ARL15: variants seen among roughly 807,000 people sequenced by gnomAD.
The protein encoded by ARL15 is ARF like GTPase 15.
Under a neutral mutation model 25.2 loss-of-function variants are expected in ARL15, and 19 were observed. That is an observed-to-expected ratio of 0.75 (90% CI 0.53 to 1.10). The LOEUF is 1.10. ARL15 is among the 50% of genes least tolerant of loss of function. The probability of loss-of-function intolerance (pLI) is 0.00; values close to 1 mark genes in which losing one functional copy is unlikely to be tolerated. For missense variants in ARL15, 220 were observed against 246.0 expected, an observed-to-expected ratio of 0.89 and a Z score of 0.71; for synonymous variants, 94 against 86.8, an observed-to-expected ratio of 1.08 and a Z score of -0.46.
chr5:54,084,351 T>C (rs1751890322), intron 4 of ARL15, among the ~76,000 whole-genome samples: 1 of 149,324 alleles, frequency 6.7e-6, no homozygotes, highest in Admixed American at 6.7e-5. Context: ...CATCTAGTCT[T>C]AGAGATCTGG....
chr5:54,106,179 A>G lies in ARL15; in HGVS notation c.462+7023T>C, dbSNP rs558931800. Among the ~76,000 whole-genome samples the G allele has an allele frequency of 4.6e-5, 7 of 152,302 alleles. No homozygotes were observed. The East Asian group carries it at 9.6e-4, about 21-fold the overall frequency. On this transcript the variant is annotated intron_variant, in intron 4 of 4. Transcript: ENST00000504924. ...GTAAATACGATAATTAACAAGTTGAATCTTTTTAAAACTATGTATTAACAT... is the reference window on the plus strand; with the variant it reads ...GTAAATACGATAATTAACAAGTTGAGTCTTTTTAAAACTATGTATTAACAT...
At chr5:54,074,751 G>C (rs919004323) in intron 4 of ARL15, among the ~76,000 whole-genome samples, 5 of 151,874 alleles carry the variant, frequency 3.3e-5, no homozygotes, top group Non-Finnish European at 7.4e-5. Flanking sequence ...TCTTAATTTT[G>C]ATATTTTCTA....
intron 2 of ARL15, among the ~76,000 whole-genome samples, chr5:54,158,392 G>A (rs1205172062): frequency 2.6e-5 from 4 of 152,076 alleles, no homozygotes; most frequent in African/African-American, 4.8e-5. Flanking sequence ...ACTACATATC[G>A]GTTGATTTGT....
intron 4 of ARL15, among the ~76,000 whole-genome samples, chr5:53,972,247 T>A (rs1483113456): frequency 1.3e-5 from 2 of 152,168 alleles, no homozygotes; most frequent in African/African-American, 4.8e-5. Flanking sequence ...ACTTTTAAAT[T>A]TCCCAGATGA....
intron 4 of ARL15, among the ~76,000 whole-genome samples, chr5:53,941,287 G>T (rs2112085443): frequency 6.6e-6 from 1 of 152,142 alleles, no homozygotes; most frequent in South Asian, 2.1e-4. Flanking sequence ...TTTAAAAAAA[G>T]GATTATGTAT....
chr5:53,980,247 G>A (rs1748076812), intron 4 of ARL15, among the ~76,000 whole-genome samples: 1 of 152,144 alleles, frequency 6.6e-6, no homozygotes, highest in African/African-American at 2.4e-5. Flanking sequence ...AAAGCAATCT[G>A]CAGTCATTCT....
At chr5:53,978,637 G>GAAAAAAAAAAAA (rs58627905) in intron 4 of ARL15, among the ~76,000 whole-genome samples, 1 of 125,880 alleles carries the variant, frequency 7.9e-6, no homozygotes, top group Non-Finnish European at 1.7e-5. Context: ...AAAAAAAAAA[G>GAAAAAAAAAAAA]AAAAGAAAAG....
intron 4 of ARL15, among the ~76,000 whole-genome samples, chr5:54,010,987 A>G (rs181822448): frequency 0.052 from 7,420 of 143,052 alleles, 238 homozygotes; most frequent in Middle Eastern, 0.089. Flanking sequence ...GCGACAGAGC[A>G]AGGCTCCGTC....
chr5:54,057,339 C>A (rs561239233), intron 4 of ARL15, among the ~76,000 whole-genome samples: 1 of 152,256 alleles, frequency 6.6e-6, no homozygotes, highest in African/African-American at 2.4e-5. Context: ...TAAAAATAGT[C>A]CATCAACATG....
At position 54,230,368 on chromosome 5, in the gene ARL15, G is replaced by GAAAAGA. The variant is rs1394394695; in HGVS notation, c.49-58446_49-58441dup. Among the ~76,000 whole-genome samples, 9 of 142,364 alleles carry GAAAAGA rather than the reference G, an allele frequency of 6.3e-5. No homozygotes were observed. The South Asian group carries it at 2.0e-3, about 32-fold the overall frequency. The allele number at this position is 142,364 out of a possible 152,430, so 93.4% of individuals were successfully genotyped here. ...TCAGAAAAAAAAAAAAAAAAGAAAAGAAAAGAAAAAGAAAAAGAAAGAATG... is the reference window on the plus strand; with the variant it reads ...TCAGAAAAAAAAAAAAAAAAGAAAAGAAAAGAAAAAGAAAAAGAAAAAGAAAGAATG... On this transcript the variant is annotated intron_variant, in intron 1 of 4. Transcript: ENST00000504924.
At chr5:54,142,850 A>C (rs534343460) in intron 3 of ARL15, among the ~76,000 whole-genome samples, 36 of 152,272 alleles carry the variant, frequency 2.4e-4, no homozygotes, top group African/African-American at 8.4e-4. Context: ...AAAGTCACAA[A>C]GATTGTCTTA....
At chr5:54,004,367 C>A (rs909467930) in intron 4 of ARL15, among the ~76,000 whole-genome samples, 12 of 151,996 alleles carry the variant, frequency 7.9e-5, no homozygotes, top group South Asian at 2.1e-4. Context: ...GTGGCGCGTG[C>A]CTGTAGTCCC....
At chr5:54,143,157 T>C (rs1475665604) in intron 3 of ARL15, among the ~76,000 whole-genome samples, 1 of 152,132 alleles carries the variant, frequency 6.6e-6, no homozygotes, top group South Asian at 2.1e-4. Flanking sequence ...ATCCTTTATA[T>C]ATTTTTATTT....
At chr5:54,294,568 A>G (rs16882608) in intron 1 of ARL15, among the ~76,000 whole-genome samples, 1,889 of 152,344 alleles carry the variant, frequency 0.012, 45 homozygotes, top group African/African-American at 0.044. Flanking sequence ...ATCCAGCCTT[A>G]TAGAATACTT....
chr5:54,050,617 A>T (rs2111985512), intron 4 of ARL15, among the ~76,000 whole-genome samples: 1 of 152,344 alleles, frequency 6.6e-6, no homozygotes, highest in East Asian at 1.9e-4. Flanking sequence ...GCGTGTGTCT[A>T]AAACTGGGGA....
At position 53,919,451 on chromosome 5, in the gene ARL15, T is replaced by C. The variant is rs986504682; in HGVS notation, c.463-32738A>G. On this transcript the variant is annotated intron_variant, in intron 4 of 4. Transcript: ENST00000504924. ...CACACTCCAGTGGAGTGCAGAGCAGTAGAAATACATTTACCTTTCTTATGA... is the reference window on the plus strand; with the variant it reads ...CACACTCCAGTGGAGTGCAGAGCAGCAGAAATACATTTACCTTTCTTATGA... Among the ~76,000 whole-genome samples, 9 of 152,218 alleles carry C rather than the reference T, an allele frequency of 5.9e-5. No individual in the cohort carries two copies. In the South Asian group the frequency reaches 1.2e-3, roughly 21 times the overall value.
At chr5:54,046,068 T>TA (rs144807725) in intron 4 of ARL15, among the ~76,000 whole-genome samples, 6,199 of 152,184 alleles carry the variant, frequency 0.041, 422 homozygotes, top group African/African-American at 0.14. Context: ...AACAGATCTG[T>TA]AAAAAATGAC....
At position 54,224,743 on chromosome 5, in the gene ARL15, TG is replaced by T. The variant is rs1756472553; in HGVS notation, c.49-52816del. On this transcript the variant is annotated intron_variant, in intron 1 of 4. Transcript: ENST00000504924. ...TTTTTACTTTATAACAAACTTTTATTGTTTGAATTTTTATCAACAGCACATA... is the reference window on the plus strand; with the variant it reads ...TTTTTACTTTATAACAAACTTTTATTTTTGAATTTTTATCAACAGCACATA... Among the ~76,000 whole-genome samples the T allele has an allele frequency of 4.6e-5, 7 of 152,296 alleles. No homozygotes were observed. In the South Asian group the frequency reaches 1.5e-3, roughly 32 times the overall value.
chr5:54,310,347 A>C (rs906786444), intron 1 of ARL15, 85 bp downstream of exon 1: 2 of 1,456,728 alleles, frequency 1.4e-6, no homozygotes, highest in Admixed American at 2.3e-5. Context: ...AAAGAAAGAA[A>C]GCAAAAAGGC....
Sources: gnomAD v4.1 joint callset for allele counts (sites outside exome capture counted in the v4.1 genomes callset) on GRCh38, gnomAD v4.1.1 for gene constraint, MANE v1.5 for transcripts, NCBI Gene and HGNC (gene_info 2026-07-23, HGNC 2026-07-21) for gene names.